Variants in IMMP2L observed in about 807,000 individuals in gnomAD.
IMMP2L encodes mitochondrial inner membrane protease subunit 2.
Under a neutral mutation model 19.3 loss-of-function variants are expected in IMMP2L, and 18 were observed. The ratio of observed to expected loss-of-function variants is 0.93; its 90% CI spans 0.64 to 1.38. The LOEUF (loss-of-function observed/expected upper bound fraction) is 1.38. Ranked by LOEUF, IMMP2L falls within the 40% of genes most tolerant of loss-of-function variation. IMMP2L has a pLI of 0.00. For synonymous variants in IMMP2L, 76 were observed against 73.0 expected (o/e 1.04, Z -0.21); for missense variants, 233 against 218.2 (o/e 1.07, Z -0.43).
At chr7:110,912,543 T>A (rs978009466) in intron 4 of IMMP2L, among the ~76,000 whole-genome samples, 3 of 151,988 alleles carry the variant, frequency 2.0e-5, no homozygotes, top group African/African-American at 7.2e-5. Flanking sequence ...GGTACATGTA[T>A]GTTTCTGTGA....
chr7:111,054,256 T>C (rs1793285187), intron 3 of IMMP2L, among the ~76,000 whole-genome samples: 1 of 152,246 alleles, frequency 6.6e-6, no homozygotes, highest in African/African-American at 2.4e-5. Flanking sequence ...TTTTGAATCA[T>C]TCTGTTGTTT....
intron 3 of IMMP2L, among the ~76,000 whole-genome samples, chr7:111,454,005 CTG>C (rs1839460408): frequency 6.6e-6 from 1 of 152,140 alleles, no homozygotes; most frequent in African/African-American, 2.4e-5. Context: ...ACTTAAATAA[CTG>C]TATCTGCATG....
At chr7:111,492,583 A>G (rs559573636) in intron 2 of IMMP2L, among the ~76,000 whole-genome samples, 1 of 152,206 alleles carries the variant, frequency 6.6e-6, no homozygotes, top group African/African-American at 2.4e-5. Context: ...TTGGTGTTCC[A>G]ACAATGGGGA....
chr7:111,490,117 T>A (rs1187039138), intron 2 of IMMP2L, among the ~76,000 whole-genome samples: 1 of 148,322 alleles, frequency 6.7e-6, no homozygotes, highest in Admixed American at 6.7e-5. Flanking sequence ...TTTTTTTTTT[T>A]AAGAGGGTCT....
chr7:111,337,451 A>AGGAT (rs140122085), intron 3 of IMMP2L, among the ~76,000 whole-genome samples: 3,633 of 148,856 alleles, frequency 0.024, 67 homozygotes, highest in African/African-American at 0.045. Context: ...TTTGGATGGA[A>AGGAT]GGATGGATGG....
intron 3 of IMMP2L, among the ~76,000 whole-genome samples, chr7:111,444,305 C>A (rs1838069323): frequency 6.6e-6 from 1 of 152,112 alleles, no homozygotes; most frequent in Non-Finnish European, 1.5e-5. Context: ...TATGCACACA[C>A]ATGCACATAA....
chr7:110,982,624 A>G (rs1436236094), intron 3 of IMMP2L, among the ~76,000 whole-genome samples: 1 of 152,122 alleles, frequency 6.6e-6, no homozygotes, highest in Non-Finnish European at 1.5e-5. Context: ...AACTATCTAA[A>G]AAGACTCCAC....
chr7:111,503,498 C>A (rs1224957274), intron 2 of IMMP2L, among the ~76,000 whole-genome samples: 1 of 152,054 alleles, frequency 6.6e-6, no homozygotes, highest in Non-Finnish European at 1.5e-5. Context: ...GATACCAAAG[C>A]CTGGCAGAGA....
At chr7:110,738,660 G>T (rs185487990) in intron 5 of IMMP2L, among the ~76,000 whole-genome samples, 5 of 152,292 alleles carry the variant, frequency 3.3e-5, no homozygotes, top group African/African-American at 1.2e-4. Context: ...GGAAATAGTC[G>T]AAGAAAACTT....
intron 5 of IMMP2L, among the ~76,000 whole-genome samples, chr7:110,675,628 G>C (rs780522668): frequency 2.0e-5 from 3 of 152,158 alleles, no homozygotes; most frequent in Non-Finnish European, 4.4e-5. Context: ...GGTTAGGTCA[G>C]CAATGACCAA....
intron 3 of IMMP2L, among the ~76,000 whole-genome samples, chr7:111,077,696 C>T (rs1200503967): frequency 1.3e-5 from 2 of 152,116 alleles, no homozygotes; most frequent in Non-Finnish European, 2.9e-5. Flanking sequence ...ACTAATATCT[C>T]CACCCTACTT....
At chr7:111,281,216 A>AAGAGAAAGAAAG (rs1293249599) in intron 3 of IMMP2L, among the ~76,000 whole-genome samples, 2 of 38,762 alleles carry the variant, frequency 5.2e-5, no homozygotes, top group African/African-American at 1.9e-4. Context: ...GAAAGAAAGA[A>AAGAGAAAGAAAG]AAAGAAAGAA....
At chr7:111,087,320 G>A (rs1032991778) in intron 3 of IMMP2L, among the ~76,000 whole-genome samples, 7 of 151,818 alleles carry the variant, frequency 4.6e-5, no homozygotes, top group Non-Finnish European at 1.0e-4. Flanking sequence ...ATGGTGGCAC[G>A]CGCCTATAGT....
intron 5 of IMMP2L, among the ~76,000 whole-genome samples, chr7:110,812,382 C>G (rs922217669): frequency 6.6e-6 from 1 of 152,010 alleles, no homozygotes; most frequent in Non-Finnish European, 1.5e-5. Context: ...AGGAGTGACA[C>G]AGGAGTTAGA....
At chr7:110,916,761 ACTTTTACTATGTGTAAGG>A (rs2066194744) in intron 4 of IMMP2L, among the ~76,000 whole-genome samples, 1 of 152,302 alleles carries the variant, frequency 6.6e-6, no homozygotes, top group African/African-American at 2.4e-5. Context: ...TTACTGGTAA[ACTTTTACTATGTGTAAGG>A]CTGATCTAAA....
rs982804511 is a variant in IMMP2L at position 111,387,932 on chromosome 7, C to A, written c.239+99306G>T. 8.6e-5 allele frequency among the ~76,000 whole-genome samples: 12 copies of A among 139,294 alleles called. No homozygotes were observed. The East Asian group carries it at 2.5e-3, about 30-fold the overall frequency. 91.4% of individuals were successfully genotyped at this position (139,294 alleles called of 152,430 possible). On this transcript the variant is annotated intron_variant, in intron 3 of 5. Transcript: ENST00000405709. ...CAGAGGTTGCAGTGAGCCAACATCACACCACTGCACTCCAGCCTGGAGACA... is the reference window on the plus strand; with the variant it reads ...CAGAGGTTGCAGTGAGCCAACATCAAACCACTGCACTCCAGCCTGGAGACA...
At chr7:110,675,400 C>A (rs1792228444) in intron 5 of IMMP2L, among the ~76,000 whole-genome samples, 1 of 152,104 alleles carries the variant, frequency 6.6e-6, no homozygotes, top group Non-Finnish European at 1.5e-5. Flanking sequence ...CATAGTTTTT[C>A]TCCCCCCAAA....
At chr7:111,372,570 A>G (rs1196615626) in intron 3 of IMMP2L, among the ~76,000 whole-genome samples, 1 of 152,012 alleles carries the variant, frequency 6.6e-6, no homozygotes, top group Admixed American at 6.6e-5. Context: ...CTGCCTGTAA[A>G]CATTCAAATG....
chr7:111,250,907 G>A (rs1009755512), intron 3 of IMMP2L, among the ~76,000 whole-genome samples: 37 of 152,250 alleles, frequency 2.4e-4, no homozygotes, highest in African/African-American at 8.7e-4. Flanking sequence ...TGACAAATGG[G>A]ATCTAATCAT....
Sources: allele counts gnomAD v4.1 joint callset (sites outside exome capture counted in the v4.1 genomes callset), GRCh38; gene constraint gnomAD v4.1.1; transcripts MANE v1.5; gene names NCBI Gene and HGNC (gene_info 2026-07-23, HGNC 2026-07-21).